METTL25: variants seen among roughly 807,000 people sequenced by gnomAD.
METTL25 encodes methyltransferase like 25, also known as probable methyltransferase-like protein 25.
In METTL25, 64 loss-of-function variants were observed where a neutral mutation model predicts 71.6. That is an observed-to-expected ratio of 0.89 (90% CI 0.73 to 1.10). The LOEUF (loss-of-function observed/expected upper bound fraction) is 1.10, where lower values mean the gene tolerates loss of function less well. Ranked by LOEUF, METTL25 falls within the 50% of genes least tolerant of loss-of-function variation. METTL25 has a pLI of 0.00. For synonymous variants in METTL25, 287 were observed against 250.3 expected, an observed-to-expected ratio of 1.15 and a Z score of -1.38; for missense variants, 807 against 707.0, an observed-to-expected ratio of 1.14 and a Z score of -1.60.
intron 9 of METTL25, among the ~76,000 whole-genome samples, chr12:82,473,917 G>A (rs953267053): frequency 6.6e-6 from 1 of 152,178 alleles, no homozygotes; most frequent in African/African-American, 2.4e-5. Flanking sequence ...TTGGTGGAAT[G>A]AAGATAGAAC....
At chr12:82,371,148 G>A (rs1054484181) in intron 1 of METTL25, among the ~76,000 whole-genome samples, 8 of 152,256 alleles carry the variant, frequency 5.3e-5, no homozygotes, top group South Asian at 4.1e-4. Flanking sequence ...AACAGACCTT[G>A]AGGACAGTCA....
chr12:82,415,624 T>C (rs577391030), intron 5 of METTL25, among the ~76,000 whole-genome samples: 138 of 152,192 alleles, frequency 9.1e-4, no homozygotes, highest in African/African-American at 3.2e-3. Context: ...TAAGTCACAG[T>C]CCAAAGGCAA....
Position 82,389,922 on chromosome 12 carries a change from G to T in METTL25, c.531G>T (p.Gln177His). ...SSIADYYGIK[Q>H]VIDLGSGKGY... is the part of the protein sequence containing the mutation. ...TTGCTGACTACTATGGAATAAAGCA[G>T]GTAAGAGTATTTCCGTATGTTTTTA... Residue 177 changes from glutamine to histidine, a missense_variant and splice_region_variant, in exon 3 of 12, where the codon CAG (glutamine) becomes CAT (histidine). Transcript: ENST00000248306. 1 of 1,494,028 alleles carries T rather than the reference G, an allele frequency of 6.7e-7. No homozygotes were observed. The highest frequency in any genetic ancestry group is 1.2e-5 in the South Asian group (1 of 86,140). 92.5% of individuals were successfully genotyped at this position (1,494,028 alleles called of 1,614,324 possible). A position where few individuals can be genotyped will look rare whatever the true frequency, so the allele number is the denominator to read the frequency against.
At chr12:82,462,278 T>C (rs1032333182) in intron 9 of METTL25, among the ~76,000 whole-genome samples, 1 of 152,180 alleles carries the variant, frequency 6.6e-6, no homozygotes, top group African/African-American at 2.4e-5. Flanking sequence ...ACCATGAATA[T>C]ACAGTGCTAT....
At chr12:82,427,001 C>G (rs142908308) in intron 5 of METTL25, among the ~76,000 whole-genome samples, 21 of 152,068 alleles carry the variant, frequency 1.4e-4, no homozygotes, top group African/African-American at 4.3e-4. Context: ...ACTCACAGCT[C>G]GTTTCTTATT....
chr12:82,400,630 C>G (rs1026347176), intron 4 of METTL25, among the ~76,000 whole-genome samples: 8 of 151,862 alleles, frequency 5.3e-5, no homozygotes, highest in African/African-American at 7.3e-5. Flanking sequence ...TTCTAATTTT[C>G]TCAAAATCTT....
intron 5 of METTL25, among the ~76,000 whole-genome samples, chr12:82,412,032 A>G (rs977836117): frequency 6.6e-6 from 1 of 152,130 alleles, no homozygotes; most frequent in African/African-American, 2.4e-5. Context: ...GTTACTAAAC[A>G]TGTTTATGGA....
intron 5 of METTL25, among the ~76,000 whole-genome samples, chr12:82,407,336 G>A (rs914686182): frequency 1.3e-5 from 2 of 152,022 alleles, no homozygotes; most frequent in Non-Finnish European, 2.9e-5. Flanking sequence ...AGTTGCTGTT[G>A]TTCACTGTAG....
intron 5 of METTL25, among the ~76,000 whole-genome samples, chr12:82,426,282 A>G (rs1195669662): frequency 1.3e-5 from 2 of 152,208 alleles, no homozygotes; most frequent in South Asian, 2.1e-4. Context: ...GTGTGAGGCC[A>G]CTGTGATCTC....
chr12:82,460,870 G>A (rs770834489), intron 9 of METTL25, among the ~76,000 whole-genome samples: 2 of 152,198 alleles, frequency 1.3e-5, no homozygotes. Flanking sequence ...TAGGCCGGGC[G>A]CGGTAGCTCA....
At chr12:82,361,626 G>C (rs1221529036) in intron 1 of METTL25, among the ~76,000 whole-genome samples, 2 of 152,204 alleles carry the variant, frequency 1.3e-5, no homozygotes, top group African/African-American at 4.8e-5. Flanking sequence ...GCACTGCTGG[G>C]GGACTTGGTG....
intron 8 of METTL25, among the ~76,000 whole-genome samples, chr12:82,444,552 G>T (rs1337540724): frequency 6.6e-6 from 1 of 151,864 alleles, no homozygotes; most frequent in African/African-American, 2.4e-5. Context: ...TCATATCCCT[G>T]GTATAAAGGC....
chr12:82,380,330 C>T (rs1884312353), intron 1 of METTL25, among the ~76,000 whole-genome samples: 1 of 152,044 alleles, frequency 6.6e-6, no homozygotes, highest in African/African-American at 2.4e-5. Flanking sequence ...CGTAGTATTC[C>T]ATGGTATATG....
intron 1 of METTL25, among the ~76,000 whole-genome samples, chr12:82,385,528 G>T (rs988889029): frequency 7.2e-5 from 11 of 152,020 alleles, no homozygotes; most frequent in African/African-American, 2.4e-4. Context: ...CAATGAATGG[G>T]CCTGATTGGA....
intron 3 of METTL25, among the ~76,000 whole-genome samples, chr12:82,392,076 T>A (rs1165075379): frequency 1.3e-5 from 2 of 150,176 alleles, no homozygotes; most frequent in African/African-American, 4.9e-5. Context: ...TTTATTTTTT[T>A]ATTTTTTATT....
At chr12:82,408,411 G>A (rs552899201) in intron 5 of METTL25, among the ~76,000 whole-genome samples, 37 of 151,844 alleles carry the variant, frequency 2.4e-4, no homozygotes, top group African/African-American at 8.9e-4. Context: ...GCAAAAACCT[G>A]GGGAAAAAAA....
intron 4 of METTL25, 45 bp from the exon 5 acceptor site, chr12:82,402,938 C>T (rs1181160293): frequency 2.1e-6 from 3 of 1,442,016 alleles, no homozygotes; most frequent in East Asian, 4.7e-5. Flanking sequence ...TTAAACAACC[C>T]TCTTTTTAAT....
chr12:82,425,102 A>G (rs1405545789), intron 5 of METTL25, among the ~76,000 whole-genome samples: 1 of 152,060 alleles, frequency 6.6e-6, no homozygotes, highest in African/African-American at 2.4e-5. Context: ...GAGAAGGTAT[A>G]GTTAGGGGAA....
At chr12:82,446,065 G>A (rs1263008424) in intron 8 of METTL25, among the ~76,000 whole-genome samples, 1 of 151,980 alleles carries the variant, frequency 6.6e-6, no homozygotes, top group African/African-American at 2.4e-5. Flanking sequence ...TAGACTTCAA[G>A]CCAAAAGAGA....
Sources: gnomAD v4.1 joint callset for allele counts (sites outside exome capture counted in the v4.1 genomes callset) on GRCh38, gnomAD v4.1.1 for gene constraint, MANE v1.5 for transcripts, NCBI Gene and HGNC (gene_info 2026-07-23, HGNC 2026-07-21) for gene names.